ZCCHC8: variants seen among roughly 807,000 people sequenced by gnomAD.
ZCCHC8 encodes the protein zinc finger CCHC domain-containing protein 8.
ZCCHC8 carries 27 observed loss-of-function variants against 70.6 expected under a neutral mutation model. The observed-to-expected ratio is 0.38, with a 90% CI of 0.28 to 0.53. ZCCHC8 has a LOEUF of 0.53. Ranked by LOEUF, ZCCHC8 falls within the 20% of genes least tolerant of loss-of-function variation. ZCCHC8 has a pLI of 0.81. For missense variants in ZCCHC8, 737 were observed against 876.9 expected, an observed-to-expected ratio of 0.84 and a Z score of 2.01; for synonymous variants, 293 against 317.4, an observed-to-expected ratio of 0.92 and a Z score of 0.82.
chr12:122,481,438 T>A (rs1385140234), intron 10 of ZCCHC8, 84 bp downstream of exon 10: 4 of 1,466,410 alleles, frequency 2.7e-6, no homozygotes, highest in Non-Finnish European at 3.7e-6. Context: ...AAGCCGGCCA[T>A]TCCTATCACA....
At chr12:122,482,594 G>A in intron 8 of ZCCHC8, 41 bp downstream of exon 8, 1 of 1,495,574 alleles carries the variant, frequency 6.7e-7, no homozygotes, top group Non-Finnish European at 9.2e-7. Flanking sequence ...ACATTAGAAA[G>A]CTCTTGTTCA....
rs907452216 is a variant in ZCCHC8 at position 122,472,034 on chromosome 12, T to C, written c.*1463A>G. 2 of 152,182 alleles carry C rather than the reference T, an allele frequency of 1.3e-5. No homozygotes were observed. Among genetic ancestry groups the C allele is most frequent in the Non-Finnish European group, 2.9e-5 (2 of 68,034 alleles). The allele number at this position is 152,182 out of a possible 1,614,324, so 9.4% of individuals were successfully genotyped here. A position where few individuals can be genotyped will look rare whatever the true frequency, so the allele number is the denominator to read the frequency against. ...ATTTTTAACTATTAGGGTTCAAATC[T>C]AGAAAATTATTTTTATACAAAGGCT... On this transcript the variant is annotated 3_prime_UTR_variant, in exon 14 of 14. Coordinates refer to ENST00000633063, the MANE Select transcript of ZCCHC8 (RefSeq NM_017612.5).
chr12:122,489,612 G>A, intron 4 of ZCCHC8, 149 bp from the exon 5 acceptor site: 1 of 739,800 alleles, frequency 1.4e-6, no homozygotes, highest in Non-Finnish European at 2.3e-6. Context: ...AGCTTCTTCT[G>A]AAGCACTAGC....
At position 122,500,924 on chromosome 12, in the gene ZCCHC8, T is replaced by A; in HGVS notation, c.-84A>T. The A allele has an allele frequency of 1.4e-6, 2 of 1,430,204 alleles. No homozygotes were observed. The highest frequency in any genetic ancestry group is 1.9e-6 in the Non-Finnish European group (2 of 1,053,562). The allele number at this position is 1,430,204 out of a possible 1,614,324, so 88.6% of individuals were successfully genotyped here. On this transcript the variant is annotated 5_prime_UTR_variant, in exon 1 of 14. Coordinates refer to ENST00000633063, the MANE Select transcript of ZCCHC8 (RefSeq NM_017612.5). This position sits in a 1 kb window ranked among gnomAD's most constrained non-coding sequence, Gnocchi z 4.8. Reference sequence around the variant, plus strand: ...AAGGTTGGAAGGCGGCACCACTCTCTAGAGCTCTGGCCGCACGGAGCCACC... The same window carrying A: ...AAGGTTGGAAGGCGGCACCACTCTCAAGAGCTCTGGCCGCACGGAGCCACC...
intron 1 of ZCCHC8, chr12:122,499,793 G>A (rs908715357): frequency 6.6e-6 from 1 of 152,614 alleles, no homozygotes; most frequent in African/African-American, 2.4e-5. Context: ...AGTGAGCCGA[G>A]ATCGCGCCAC....
At chr12:122,477,193 C>T (rs1420698382) in intron 13 of ZCCHC8, among the ~76,000 whole-genome samples, 2 of 148,098 alleles carry the variant, frequency 1.4e-5, no homozygotes, top group Non-Finnish European at 3.0e-5. Flanking sequence ...CTCACACTTT[C>T]GCCAAGGCTG....
intron 2 of ZCCHC8, among the ~76,000 whole-genome samples, chr12:122,495,598 C>T (rs538221186): frequency 3.9e-5 from 6 of 151,930 alleles, no homozygotes; most frequent in Non-Finnish European, 7.4e-5. Flanking sequence ...GCCCGTAATG[C>T]CAGCACTTTG....
chr12:122,486,140 C>T (rs1473902689), intron 5 of ZCCHC8, among the ~76,000 whole-genome samples: 3 of 151,968 alleles, frequency 2.0e-5, no homozygotes, highest in Non-Finnish European at 4.4e-5. Flanking sequence ...CATGGCCAGG[C>T]GTGGTGGCTC....
At chr12:122,493,564 G>A (rs1011360144) in intron 2 of ZCCHC8, among the ~76,000 whole-genome samples, 1 of 151,982 alleles carries the variant, frequency 6.6e-6, no homozygotes, top group Non-Finnish European at 1.5e-5. Context: ...TGGGATTATA[G>A]GCGAGCGCCA....
In ZCCHC8 at chr12:122,480,322, C is replaced by T; in HGVS notation, c.1019-11G>A. On this transcript the variant is annotated splice_polypyrimidine_tract_variant and intron_variant, in intron 10 of 13. Transcript: ENST00000633063. The stretch of plus-strand genomic sequence containing the variant: ...CCCCATCAGTGCCATCTATTACAGA[C>T]CATAAAAAGTGTTAATATTGCTAAA... 2 of 1,599,466 alleles carry T rather than the reference C, an allele frequency of 1.3e-6. No individual in the cohort carries two copies. The highest frequency in any genetic ancestry group is 8.5e-7 in the Non-Finnish European group (1 of 1,172,860).
intron 2 of ZCCHC8, among the ~76,000 whole-genome samples, chr12:122,494,550 ACT>A (rs915477774): frequency 9.8e-5 from 14 of 142,702 alleles, no homozygotes; most frequent in Non-Finnish European, 1.8e-4. Flanking sequence ...ACACAGCGAG[ACT>A]CTGTTTCAAA....
Position 122,481,311 on chromosome 12 carries a change from T to C in ZCCHC8, c.1018+211A>G, listed in dbSNP as rs948804816. 1.3e-5 allele frequency: 7 copies of C among 533,182 alleles called. No individual in the cohort carries two copies. The African/African-American group carries it at 1.4e-4, about 10-fold the overall frequency. The allele number at this position is 533,182 out of a possible 1,614,324, so 33.0% of individuals were successfully genotyped here. A position where few individuals can be genotyped will look rare whatever the true frequency, so the allele number is the denominator to read the frequency against. On this transcript the variant is annotated intron_variant, in intron 10 of 13. Transcript: ENST00000633063. ...GTGATACTCTGGCCTAGACAGTACCTGAGCAAGCCCAGAAAACCATCAGAT... is the reference window on the plus strand; with the variant it reads ...GTGATACTCTGGCCTAGACAGTACCCGAGCAAGCCCAGAAAACCATCAGAT...
At chr12:122,481,318 G>T in intron 10 of ZCCHC8, 1 of 573,836 alleles carries the variant, frequency 1.7e-6, no homozygotes, top group Non-Finnish European at 2.8e-6. Flanking sequence ...ACCTGAGCAA[G>T]CCCAGAAAAC....
chr12:122,482,637 T>A lies in ZCCHC8; in HGVS notation c.730A>T (p.Met244Leu). ...TTCTTAACATGAGAAAAATTTACCA[T>A]TGGGCAATCTTTCATTTGGTGTTCT... Reference protein sequence around the residue: ...SEEHQMKDCPMPRNAARISEK... With the variant: ...SEEHQMKDCPLPRNAARISEK... Residue 244 changes from methionine to leucine, a missense_variant and splice_region_variant, in exon 8 of 14, where the codon ATG (methionine) becomes TTG (leucine). Coordinates refer to ENST00000633063, the MANE Select transcript of ZCCHC8 (RefSeq NM_017612.5). 1.2e-6 allele frequency: 2 copies of A among 1,604,074 alleles called. No individual in the cohort carries two copies. The highest frequency in any genetic ancestry group is 1.7e-6 in the Non-Finnish European group (2 of 1,174,436).
rs762319713 is a variant in ZCCHC8, at chr12:122,474,012, C to T, written c.1609G>A (p.Val537Ile). ...ACAGGAACGTCGGAGTCGCTGTTTA[C>T]GCTCTCGGCCTGCTCAAGAGCTGCC... ...IWAALEQAES[V>I]NSDSDVPVDT... Residue 537 changes from valine to isoleucine, a missense_variant, in exon 14 of 14, where the codon GTA becomes ATA. Physicochemically the swap from Val to Ile is conservative, Grantham distance 29. Coordinates refer to ENST00000633063, the MANE Select transcript of ZCCHC8 (RefSeq NM_017612.5). 19 of 1,555,380 alleles carry T rather than the reference C, an allele frequency of 1.2e-5. No individual in the cohort carries two copies. The highest frequency in any genetic ancestry group is 1.7e-4 in the Middle Eastern group (1 of 5,776).
chr12:122,490,710 GGA>G (rs1957728938), intron 3 of ZCCHC8, 143 bp from the exon 4 acceptor site: 1 of 509,044 alleles, frequency 2.0e-6, no homozygotes, highest in Non-Finnish European at 3.4e-6. Flanking sequence ...GTAATACTCA[GGA>G]ACATATTCCT....
intron 4 of ZCCHC8, 33 bp from the exon 5 acceptor site, chr12:122,489,496 T>C: frequency 6.3e-7 from 1 of 1,587,106 alleles, no homozygotes; most frequent in Non-Finnish European, 8.6e-7. Flanking sequence ...TTACAACCGG[T>C]AACCAATTTT....
At chr12:122,484,639 C>T (rs372738731) in intron 5 of ZCCHC8, among the ~76,000 whole-genome samples, 3 of 151,798 alleles carry the variant, frequency 2.0e-5, no homozygotes, top group African/African-American at 4.8e-5. Flanking sequence ...GCAATCCTCC[C>T]GCCTCAGCCT....
At chr12:122,481,733 T>C in intron 9 of ZCCHC8, 69 bp from the exon 10 acceptor site, 1 of 1,526,176 alleles carries the variant, frequency 6.6e-7, no homozygotes. Flanking sequence ...AGTATTCTGG[T>C]ATTTTAAAAC....
Sources: gnomAD v4.1 joint callset for allele counts (sites outside exome capture counted in the v4.1 genomes callset) on GRCh38, gnomAD v4.1.1 for gene constraint, Gnocchi (gnomAD v3.1) non-coding constraint, MANE v1.5 for transcripts, NCBI Gene and HGNC (gene_info 2026-07-23, HGNC 2026-07-21) for gene names.